Variants in CNTNAP2 observed in about 807,000 individuals in gnomAD.
CNTNAP2 encodes contactin associated protein 2.
In CNTNAP2, 98 loss-of-function variants were observed where a neutral mutation model predicts 155.2. That is an observed-to-expected ratio of 0.63 (90% CI 0.54 to 0.75). CNTNAP2 has a LOEUF of 0.75. Ranked by LOEUF, CNTNAP2 falls within the 30% of genes least tolerant of loss-of-function variation. The pLI is 0.00. For synonymous variants in CNTNAP2, 651 were observed against 631.2 expected (o/e 1.03, Z -0.47); for missense variants, 1,727 against 1,688.1 (o/e 1.02, Z -0.40).
chr7:147,089,011 A>G (rs1584832362), intron 4 of CNTNAP2, among the ~76,000 whole-genome samples: 1 of 143,704 alleles, frequency 7.0e-6, no homozygotes, highest in East Asian at 1.9e-4. Context: ...AGAGAGAGAA[A>G]GAGAGAAAGA....
At chr7:146,210,837 A>ATTT (rs11370431) in intron 1 of CNTNAP2, among the ~76,000 whole-genome samples, 1 of 145,272 alleles carries the variant, frequency 6.9e-6, no homozygotes, top group Non-Finnish European at 1.5e-5. Context: ...AGACTACTTC[A>ATTT]TTTTTTTTTT....
chr7:146,603,167 C>A (rs923357028), intron 1 of CNTNAP2, among the ~76,000 whole-genome samples: 1 of 151,480 alleles, frequency 6.6e-6, no homozygotes, highest in African/African-American at 2.4e-5. Flanking sequence ...AATCCCAGCA[C>A]TTTGGGAGAC....
At chr7:148,312,321 A>G (rs925208961) in intron 21 of CNTNAP2, among the ~76,000 whole-genome samples, 1 of 152,152 alleles carries the variant, frequency 6.6e-6, no homozygotes, top group Admixed American at 6.5e-5. Flanking sequence ...ATCAGCAGGG[A>G]AAGCACGTGT....
rs899514586 is a variant in CNTNAP2 at position 147,488,024 on chromosome 7, A to G, written c.1777+1983A>G. On this transcript the variant is annotated intron_variant, in intron 11 of 23. Coordinates refer to ENST00000361727, the MANE Select transcript of CNTNAP2 (RefSeq NM_014141.6). ...TAAATAGAGGTGAAAAGACCATACT[A>G]CATAATTCAAGAGAGGGTTGGCTGG... is the stretch of plus-strand genomic sequence containing the variant. Among the ~76,000 whole-genome samples, 26 of 146,956 alleles carry G rather than the reference A, an allele frequency of 1.8e-4. 1 individual carries two copies. Among genetic ancestry groups the G allele is most frequent in the African/African-American group, 6.4e-4 (25 of 38,968 alleles).
intron 13 of CNTNAP2, among the ~76,000 whole-genome samples, chr7:147,833,274 T>C (rs1311807291): frequency 6.6e-6 from 1 of 152,036 alleles, no homozygotes; most frequent in African/African-American, 2.4e-5. Flanking sequence ...ATCTGGAAGT[T>C]AGGAGATAGA....
At chr7:146,645,464 C>T (rs1799795371) in intron 1 of CNTNAP2, among the ~76,000 whole-genome samples, 2 of 152,126 alleles carry the variant, frequency 1.3e-5, no homozygotes, top group Non-Finnish European at 1.5e-5. Context: ...AGAAGGGTTT[C>T]TATCCCGTCA....
chr7:147,741,832 A>G (rs1290607167), intron 13 of CNTNAP2, among the ~76,000 whole-genome samples: 1 of 152,098 alleles, frequency 6.6e-6, no homozygotes, highest in Non-Finnish European at 1.5e-5. Flanking sequence ...TACTGATTCC[A>G]TCCTATTTTA....
chr7:147,728,391 AG>A (rs964764609), intron 13 of CNTNAP2, among the ~76,000 whole-genome samples: 22 of 152,212 alleles, frequency 1.4e-4, no homozygotes, highest in African/African-American at 5.3e-4. Context: ...TTGGAAAAAG[AG>A]GATTTTTAAA....
chr7:147,425,648 A>G (rs1797366383), intron 10 of CNTNAP2, among the ~76,000 whole-genome samples: 1 of 152,096 alleles, frequency 6.6e-6, no homozygotes, highest in African/African-American at 2.4e-5. Context: ...TCTGATAACA[A>G]TTCTCATTTT....
chr7:146,504,100 CA>C (rs1797346503), intron 1 of CNTNAP2, among the ~76,000 whole-genome samples: 1 of 152,236 alleles, frequency 6.6e-6, no homozygotes, highest in Admixed American at 6.5e-5. Context: ...CATGCTGTAC[CA>C]GATGTCTGCC....
At chr7:146,813,062 G>A (rs1803097024) in intron 2 of CNTNAP2, among the ~76,000 whole-genome samples, 1 of 152,202 alleles carries the variant, frequency 6.6e-6, no homozygotes, top group Non-Finnish European at 1.5e-5. Context: ...TGGATGTCTA[G>A]GCAGAAGTTT....
At chr7:146,584,180 C>T (rs1034382033) in intron 1 of CNTNAP2, among the ~76,000 whole-genome samples, 1 of 152,160 alleles carries the variant, frequency 6.6e-6, no homozygotes, top group East Asian at 1.9e-4. Flanking sequence ...CACTCCTAGG[C>T]TTTAGAGTCA....
chr7:147,786,471 G>A (rs1455245398), intron 13 of CNTNAP2, among the ~76,000 whole-genome samples: 1 of 152,134 alleles, frequency 6.6e-6, no homozygotes, highest in Non-Finnish European at 1.5e-5. Flanking sequence ...AGGGCTTGAG[G>A]AGATCAGGCA....
chr7:146,329,997 T>C (rs149016296), intron 1 of CNTNAP2, among the ~76,000 whole-genome samples: 64 of 149,964 alleles, frequency 4.3e-4, no homozygotes, highest in Non-Finnish European at 7.7e-4. Flanking sequence ...CATTTATTGA[T>C]TCAACAAGTA....
chr7:148,206,166 C>T (rs1165788139), intron 18 of CNTNAP2, among the ~76,000 whole-genome samples: 1 of 148,832 alleles, frequency 6.7e-6, no homozygotes, highest in Non-Finnish European at 1.5e-5. Context: ...TTTCCTGACT[C>T]CAACTTGCTC....
chr7:148,340,647 G>A (rs920338787), intron 21 of CNTNAP2, among the ~76,000 whole-genome samples: 1 of 152,198 alleles, frequency 6.6e-6, no homozygotes, highest in African/African-American at 2.4e-5. Context: ...GACGTTCACA[G>A]CTTTCTGAAT....
intron 14 of CNTNAP2, among the ~76,000 whole-genome samples, chr7:147,917,600 C>T (rs1407900974): frequency 6.6e-6 from 1 of 152,174 alleles, no homozygotes; most frequent in East Asian, 1.9e-4. Flanking sequence ...TTGGCTGGAA[C>T]TTTAGTTAAC....
At chr7:148,331,737 G>C (rs371009748) in intron 21 of CNTNAP2, among the ~76,000 whole-genome samples, 6 of 42,508 alleles carry the variant, frequency 1.4e-4, no homozygotes, top group Non-Finnish European at 2.0e-4. Flanking sequence ...GATGGATGGA[G>C]TGGATGGATG....
At chr7:147,492,084 A>G (rs576006991) in intron 11 of CNTNAP2, among the ~76,000 whole-genome samples, 1 of 152,318 alleles carries the variant, frequency 6.6e-6, no homozygotes, top group South Asian at 2.1e-4. Context: ...TTTTGGCACC[A>G]GGGGCCAGGT....
Sources: allele counts gnomAD v4.1 joint callset (sites outside exome capture counted in the v4.1 genomes callset), GRCh38; gene constraint gnomAD v4.1.1; transcripts MANE v1.5; gene names NCBI Gene and HGNC (gene_info 2026-07-23, HGNC 2026-07-21).